AUTS2: variants seen among roughly 807,000 people sequenced by gnomAD.
AUTS2 encodes the protein autism susceptibility gene 2 protein.
Under a neutral mutation model 112.4 loss-of-function variants are expected in AUTS2, and 17 were observed. That is an observed-to-expected ratio of 0.15 (90% CI 0.10 to 0.23). The LOEUF is 0.23. Among genes scored for constraint, AUTS2 ranks in the 10% least tolerant of loss-of-function variants. The pLI, the probability that AUTS2 is intolerant of heterozygous loss-of-function variation, is 1.00. For missense variants in AUTS2, 1,510 were observed against 1,701.6 expected (o/e 0.89, Z 1.98); for synonymous variants, 751 against 702.7 (o/e 1.07, Z -1.09).
At chr7:69,607,934 CT>C (rs1350880565) in intron 1 of AUTS2, among the ~76,000 whole-genome samples, 2 of 152,012 alleles carry the variant, frequency 1.3e-5, no homozygotes, top group African/African-American at 2.4e-5. Flanking sequence ...TATTTTCTTT[CT>C]TTTATTTTGT....
intron 5 of AUTS2, among the ~76,000 whole-genome samples, chr7:70,623,086 T>C (rs533197400): frequency 6.6e-6 from 1 of 152,356 alleles, no homozygotes; most frequent in South Asian, 2.1e-4. Flanking sequence ...CCATGGATTA[T>C]ATAGGAATTA....
chr7:70,698,427 T>C (rs1809255314), intron 5 of AUTS2, 142 bp from the exon 6 acceptor site: 1 of 672,342 alleles, frequency 1.5e-6, no homozygotes, highest in African/African-American at 1.8e-5. Flanking sequence ...AGCACCACCT[T>C]ATGGATGATT....
intron 2 of AUTS2, among the ~76,000 whole-genome samples, chr7:69,957,003 T>C (rs1457058699): frequency 2.0e-5 from 3 of 151,860 alleles, no homozygotes; most frequent in African/African-American, 7.3e-5. Context: ...GCTGGAAATA[T>C]AGGTGTGGAT....
chr7:70,011,453 A>G (rs1799804827), intron 2 of AUTS2, among the ~76,000 whole-genome samples: 1 of 151,838 alleles, frequency 6.6e-6, no homozygotes, highest in Non-Finnish European at 1.5e-5. Context: ...TTACAAAAAA[A>G]TGGTGTGTAA....
chr7:70,442,391 C>T (rs1314139234), intron 5 of AUTS2, among the ~76,000 whole-genome samples: 3 of 152,196 alleles, frequency 2.0e-5, no homozygotes, highest in Non-Finnish European at 4.4e-5. Context: ...TATATTTCAT[C>T]TACAGTTTTC....
chr7:70,481,379 G>A (rs897433168), intron 5 of AUTS2, among the ~76,000 whole-genome samples: 8 of 152,234 alleles, frequency 5.3e-5, no homozygotes, highest in African/African-American at 1.7e-4. Flanking sequence ...AACTCCTGTG[G>A]TCAACTTTTA....
chr7:69,839,967 C>A (rs1015514365), intron 1 of AUTS2, among the ~76,000 whole-genome samples: 1 of 152,042 alleles, frequency 6.6e-6, no homozygotes. Flanking sequence ...GGTCCCTGGA[C>A]CAACAGCTTC....
intron 14 of AUTS2, among the ~76,000 whole-genome samples, chr7:70,777,706 C>T (rs1486179791): frequency 2.0e-5 from 3 of 152,136 alleles, no homozygotes; most frequent in Non-Finnish European, 4.4e-5. Flanking sequence ...TGATAATGCC[C>T]CAGGGTTTTG....
At chr7:70,681,115 A>T (rs962683247) in intron 5 of AUTS2, among the ~76,000 whole-genome samples, 3 of 152,184 alleles carry the variant, frequency 2.0e-5, no homozygotes, top group African/African-American at 7.2e-5. Context: ...AATTTCTTAG[A>T]GTGTTCCAGG....
At chr7:70,177,236 A>G (rs1809037560) in intron 4 of AUTS2, among the ~76,000 whole-genome samples, 1 of 152,214 alleles carries the variant, frequency 6.6e-6, no homozygotes, top group African/African-American at 2.4e-5. Flanking sequence ...GCATGTTTCA[A>G]GTAATAACTC....
intron 4 of AUTS2, among the ~76,000 whole-genome samples, chr7:70,434,477 C>T (rs1268231466): frequency 6.6e-6 from 1 of 152,196 alleles, no homozygotes; most frequent in East Asian, 1.9e-4. Flanking sequence ...TGGCATCATC[C>T]TAGACACATC....
chr7:69,842,035 T>TTTTATA (rs1390211001), intron 1 of AUTS2, among the ~76,000 whole-genome samples: 27 of 152,256 alleles, frequency 1.8e-4, no homozygotes, highest in African/African-American at 6.0e-4. Flanking sequence ...TGGGTGTTTG[T>TTTTATA]TTTATATTTA....
intron 2 of AUTS2, among the ~76,000 whole-genome samples, chr7:69,973,158 G>A (rs900462606): frequency 2.6e-5 from 4 of 152,012 alleles, no homozygotes; most frequent in Admixed American, 2.6e-4. Context: ...AGTCCTATAT[G>A]AATTAGATTT....
At chr7:69,791,697 T>G (rs2129326434) in intron 1 of AUTS2, among the ~76,000 whole-genome samples, 1 of 152,324 alleles carries the variant, frequency 6.6e-6, no homozygotes, top group African/African-American at 2.4e-5. Context: ...ATGGTTTAAT[T>G]CCCAGATACT....
intron 5 of AUTS2, among the ~76,000 whole-genome samples, chr7:70,441,168 T>C (rs1796108708): frequency 6.6e-6 from 1 of 152,162 alleles, no homozygotes. Context: ...CCTTCTCCTT[T>C]TCCTATCAAT....
intron 1 of AUTS2, among the ~76,000 whole-genome samples, chr7:69,817,472 T>A (rs967752613): frequency 2.0e-5 from 3 of 152,152 alleles, no homozygotes; most frequent in Non-Finnish European, 4.4e-5. Context: ...AGTGGTCATT[T>A]GGGATTATAA....
intron 1 of AUTS2, among the ~76,000 whole-genome samples, chr7:69,602,563 T>C (rs1792495827): frequency 6.6e-6 from 1 of 152,188 alleles, no homozygotes; most frequent in Admixed American, 6.5e-5. Flanking sequence ...ACATATGATC[T>C]CATCCATATT....
intron 5 of AUTS2, among the ~76,000 whole-genome samples, chr7:70,517,740 T>TAC (rs762319113): frequency 6.6e-6 from 1 of 151,688 alleles, no homozygotes; most frequent in Non-Finnish European, 1.5e-5. Context: ...TACATATGAA[T>TAC]ACACACACAC....
At chr7:70,261,094 A>G (rs1016062187) in intron 4 of AUTS2, among the ~76,000 whole-genome samples, 41 of 152,294 alleles carry the variant, frequency 2.7e-4, no homozygotes, top group Admixed American at 2.2e-3. Flanking sequence ...GAAGCAGTAT[A>G]CATTACTAGG....
Sources: gnomAD v4.1 joint callset for allele counts (sites outside exome capture counted in the v4.1 genomes callset) on GRCh38, gnomAD v4.1.1 for gene constraint, MANE v1.5 for transcripts, NCBI Gene and HGNC (gene_info 2026-07-23, HGNC 2026-07-21) for gene names.